EPHA6: variants seen among roughly 807,000 people sequenced by gnomAD.
The protein encoded by EPHA6 is ephrin type-A receptor 6.
A neutral mutation model predicts 112.0 loss-of-function variants in EPHA6; 50 were observed. The observed-to-expected ratio is 0.45, with a 90% CI of 0.36 to 0.56. The LOEUF is 0.56. EPHA6 is among the 20% of genes least tolerant of loss of function. The pLI is 0.00. For missense variants in EPHA6, 1,280 were observed against 1,417.4 expected, an observed-to-expected ratio of 0.90 and a Z score of 1.56; for synonymous variants, 529 against 490.7, an observed-to-expected ratio of 1.08 and a Z score of -1.03.
chr3:97,477,245 ATGGCCTACAAAAACT>A (rs1390815114), intron 8 of EPHA6, among the ~76,000 whole-genome samples: 2 of 152,216 alleles, frequency 1.3e-5, no homozygotes, highest in Non-Finnish European at 1.5e-5. Flanking sequence ...CTTATCAAAC[ATGGCCTACAAAAACT>A]TGAATCACTA....
At chr3:97,236,699 G>A (rs1014375056) in intron 4 of EPHA6, among the ~76,000 whole-genome samples, 1 of 152,092 alleles carries the variant, frequency 6.6e-6, no homozygotes, top group Non-Finnish European at 1.5e-5. Context: ...TACAGTGACA[G>A]TGATTGGGAA....
intron 3 of EPHA6, among the ~76,000 whole-genome samples, chr3:97,175,425 T>C (rs1362444078): frequency 6.6e-6 from 1 of 151,716 alleles, no homozygotes; most frequent in Non-Finnish European, 1.5e-5. Flanking sequence ...TTTTTCTATA[T>C]CTGAAGGTCA....
At chr3:97,596,170 G>A (rs1165926140) in intron 12 of EPHA6, among the ~76,000 whole-genome samples, 1 of 152,114 alleles carries the variant, frequency 6.6e-6, no homozygotes, top group African/African-American at 2.4e-5. Flanking sequence ...CTCCCAAAGT[G>A]CTGGGATTAC....
At chr3:97,682,303 G>C (rs1057018481) in intron 14 of EPHA6, among the ~76,000 whole-genome samples, 17 of 152,012 alleles carry the variant, frequency 1.1e-4, no homozygotes, top group African/African-American at 4.1e-4. Context: ...AAGATGAGTA[G>C]AGAACTCTGA....
rs117879370 is a variant in EPHA6 at position 97,527,445 on chromosome 3, C to T, written c.2201-4913C>T. Among the ~76,000 whole-genome samples the T allele has an allele frequency of 2.1e-4, 32 of 151,996 alleles. No individual in the cohort carries two copies. The East Asian group carries it at 6.0e-3, about 29-fold the overall frequency. On this transcript the variant is annotated intron_variant, in intron 10 of 17. Coordinates refer to ENST00000389672, the MANE Select transcript of EPHA6 (RefSeq NM_001080448.3). ...TTTTTTTTGTGGAGTAATACAAGTG[C>T]GTGACCACCTATTCTGCCATCTTAT...
intron 16 of EPHA6, among the ~76,000 whole-genome samples, chr3:97,744,959 A>G (rs1274614654): frequency 2.6e-5 from 4 of 151,960 alleles, no homozygotes; most frequent in Non-Finnish European, 4.4e-5. Context: ...AGGACACTCA[A>G]TTTTCTAACA....
At chr3:97,363,377 C>T (rs2084515885) in intron 5 of EPHA6, among the ~76,000 whole-genome samples, 1 of 150,758 alleles carries the variant, frequency 6.6e-6, no homozygotes, top group African/African-American at 2.4e-5. Flanking sequence ...CACTGGCCTG[C>T]AAATTTGAGT....
At chr3:97,453,437 G>A (rs1016368864) in intron 7 of EPHA6, among the ~76,000 whole-genome samples, 1 of 151,620 alleles carries the variant, frequency 6.6e-6, no homozygotes, top group Non-Finnish European at 1.5e-5. Flanking sequence ...GTAAATTTAA[G>A]TTTTCACCTG....
At chr3:96,993,204 G>T (rs1005596342) in intron 3 of EPHA6, among the ~76,000 whole-genome samples, 2 of 151,962 alleles carry the variant, frequency 1.3e-5, no homozygotes, top group African/African-American at 4.8e-5. Context: ...AATTTCCTGG[G>T]GCCACACAGT....
At chr3:96,957,923 G>C (rs529687821) in intron 2 of EPHA6, among the ~76,000 whole-genome samples, 1 of 152,260 alleles carries the variant, frequency 6.6e-6, no homozygotes, top group South Asian at 2.1e-4. Context: ...TTGACCAAAA[G>C]ACGTAGAGAA....
At chr3:96,830,042 A>C (rs2033955781) in intron 1 of EPHA6, among the ~76,000 whole-genome samples, 1 of 151,562 alleles carries the variant, frequency 6.6e-6, no homozygotes, top group African/African-American at 2.4e-5. Flanking sequence ...ACTAGAGTGC[A>C]GTGGTTCACA....
intron 2 of EPHA6, among the ~76,000 whole-genome samples, chr3:96,951,883 G>A (rs1225314936): frequency 6.6e-6 from 1 of 152,064 alleles, no homozygotes; most frequent in Non-Finnish European, 1.5e-5. Context: ...AGCTATCTCT[G>A]TGGCCTGCAG....
At chr3:97,496,403 T>A (rs1033983442) in intron 10 of EPHA6, among the ~76,000 whole-genome samples, 2 of 152,158 alleles carry the variant, frequency 1.3e-5, no homozygotes, top group Non-Finnish European at 2.9e-5. Flanking sequence ...ATCACAAGGA[T>A]CACATATGTC....
intron 2 of EPHA6, among the ~76,000 whole-genome samples, chr3:96,882,796 T>C (rs927018994): frequency 6.6e-6 from 1 of 151,602 alleles, no homozygotes; most frequent in Non-Finnish European, 1.5e-5. Context: ...CTATGTGATA[T>C]ATATCTCACA....
intron 2 of EPHA6, among the ~76,000 whole-genome samples, chr3:96,893,011 CAT>C (rs1489300484): frequency 1.3e-5 from 2 of 150,502 alleles, no homozygotes; most frequent in African/African-American, 2.5e-5. Flanking sequence ...CGCGCAAAGT[CAT>C]GTGCCACAAA....
intron 3 of EPHA6, among the ~76,000 whole-genome samples, chr3:97,161,076 C>T (rs181694485): frequency 4.6e-5 from 7 of 152,170 alleles, no homozygotes; most frequent in East Asian, 1.9e-4. Flanking sequence ...GGCTGGATAA[C>T]GTATTTACTA....
intron 11 of EPHA6, among the ~76,000 whole-genome samples, chr3:97,579,799 G>A (rs146449181): frequency 2.0e-5 from 3 of 151,838 alleles, no homozygotes; most frequent in East Asian, 1.9e-4. Flanking sequence ...ATTGCTTCTC[G>A]GCCTTTTGGC....
chr3:97,391,941 T>A (rs1290915856), intron 5 of EPHA6, among the ~76,000 whole-genome samples: 1 of 151,834 alleles, frequency 6.6e-6, no homozygotes, highest in Non-Finnish European at 1.5e-5. Context: ...AAAAATATTT[T>A]TTTCTTTCAT....
At chr3:97,411,870 T>C (rs534599212) in intron 6 of EPHA6, among the ~76,000 whole-genome samples, 1 of 152,192 alleles carries the variant, frequency 6.6e-6, no homozygotes, top group Admixed American at 6.6e-5. Flanking sequence ...GATCCAGTGG[T>C]AATAAACTCA....
Sources: allele counts gnomAD v4.1 joint callset (sites outside exome capture counted in the v4.1 genomes callset), GRCh38; gene constraint gnomAD v4.1.1; transcripts MANE v1.5; gene names NCBI Gene and HGNC (gene_info 2026-07-23, HGNC 2026-07-21).